ALS2: variants seen among roughly 807,000 people sequenced by gnomAD.
The protein encoded by ALS2 is alsin Rho guanine nucleotide exchange factor ALS2.
In ALS2, 117 loss-of-function variants were observed where a neutral mutation model predicts 203.4. That is an observed-to-expected ratio of 0.58 (90% confidence interval 0.50 to 0.67). The LOEUF (loss-of-function observed/expected upper bound fraction) is 0.67. ALS2 is among the 30% of genes least tolerant of loss of function. The probability of loss-of-function intolerance (pLI) is 0.00; values close to 1 mark genes in which losing one functional copy is unlikely to be tolerated. For synonymous variants in ALS2, 718 were observed against 725.9 expected, an observed-to-expected ratio of 0.99 and a Z score of 0.17; for missense variants, 1,715 against 1,989.4, an observed-to-expected ratio of 0.86 and a Z score of 2.62.
In ALS2 at chr2:201,727,199, A is replaced by G. The variant is rs1001846413; in HGVS notation, c.2979+13T>C. ...AGGGCGAAGATTGAAGGAAAATACC[A>G]TAATAGACTAACCTTTTCCTGGGGT... On this transcript the variant is annotated intron_variant, in intron 17 of 33. Transcript: ENST00000264276. 1.2e-6 allele frequency: 2 copies of G among 1,605,930 alleles called. No homozygotes were observed. The highest frequency in any genetic ancestry group is 1.7e-6 in the Non-Finnish European group (2 of 1,172,532).
intron 1 of ALS2, among the ~76,000 whole-genome samples, chr2:201,774,847 G>A (rs948367511): frequency 6.6e-6 from 1 of 152,058 alleles, no homozygotes; most frequent in African/African-American, 2.4e-5. Flanking sequence ...CAGCAGCTTA[G>A]TCCTGATATA....
At position 201,733,405 on chromosome 2, in the gene ALS2, T is replaced by C; in HGVS notation, c.2451A>G (p.Gln817=). The stretch of plus-strand genomic sequence containing the variant: ...TTTCGTCATTCACTTCTGACAAATC[T>C]TGCAACAGCTCTTGGTTTTTATTTA... ...DFLNKNQELL[Q]DLSEVNDENT... Residue 817 remains glutamine, a synonymous_variant, in exon 13 of 34, where the codon CAA becomes CAG. Transcript: ENST00000264276. The C allele has an allele frequency of 6.2e-7, 1 of 1,613,782 alleles. No individual in the cohort carries two copies. The highest frequency in any genetic ancestry group is 2.2e-5 in the East Asian group (1 of 44,814).
At chr2:201,724,188 CT>C in intron 21 of ALS2, 106 bp downstream of exon 21, 1 of 1,189,028 alleles carries the variant, frequency 8.4e-7, no homozygotes, top group Non-Finnish European at 1.2e-6. Flanking sequence ...TCAAAGAAAT[CT>C]TACTAATCTC....
At chr2:201,756,038 C>A (rs2106077126) in intron 5 of ALS2, among the ~76,000 whole-genome samples, 1 of 152,098 alleles carries the variant, frequency 6.6e-6, no homozygotes, top group Admixed American at 6.5e-5. Context: ...CCAGATAATT[C>A]TTAGAGAGGG....
chr2:201,776,179 T>G (rs1361916087), intron 1 of ALS2, among the ~76,000 whole-genome samples: 2 of 152,236 alleles, frequency 1.3e-5, no homozygotes, highest in Non-Finnish European at 2.9e-5. Context: ...CATGTCACTT[T>G]AAAAATGGTT....
chr2:201,756,366 A>G (rs975976682), intron 5 of ALS2, among the ~76,000 whole-genome samples: 6 of 151,914 alleles, frequency 3.9e-5, no homozygotes, highest in Non-Finnish European at 8.8e-5. Context: ...TGTAGAGGAA[A>G]ATCTGGTGGT....
Position 201,741,666 on chromosome 2 carries a change from A to G in ALS2, c.2351+8T>C. ...GAGATTGAACATGACACGGGACTGG[A>G]TACTTGCTCTGTATAACTATCCAAG... On this transcript the variant is annotated splice_region_variant and intron_variant, in intron 11 of 33. Transcript: ENST00000264276. 1 of 1,613,814 alleles carries G rather than the reference A, an allele frequency of 6.2e-7. No homozygotes were observed. Among genetic ancestry groups the G allele is most frequent in the Admixed American group, 1.7e-5 (1 of 60,010 alleles).
At chr2:201,768,055 T>C (rs1391057521) in intron 2 of ALS2, among the ~76,000 whole-genome samples, 1 of 152,184 alleles carries the variant, frequency 6.6e-6, no homozygotes, top group East Asian at 1.9e-4. Context: ...ATGCCCAAGT[T>C]GAAGTCTTAT....
intron 3 of ALS2, chr2:201,763,391 C>A: frequency 4.7e-6 from 1 of 213,500 alleles, no homozygotes; most frequent in Non-Finnish European, 9.5e-6. Context: ...CACTGCCACC[C>A]TGGCCAACTT....
chr2:201,776,947 G>A (rs1414564735), intron 1 of ALS2, among the ~76,000 whole-genome samples: 1 of 152,154 alleles, frequency 6.6e-6, no homozygotes. Flanking sequence ...TTAACACATT[G>A]TCATCAGGTT....
rs189426668 is a variant in ALS2 at position 201,744,666 on chromosome 2, T to C, written c.1999-237A>G. On this transcript the variant is annotated intron_variant, in intron 9 of 33. Coordinates refer to ENST00000264276, the MANE Select transcript of ALS2 (RefSeq NM_020919.4). ...CGGGGTCGCTTTTTTTTAGAGCTGGTTCATCAGTACATCATTGTTATATAT... is the reference window on the plus strand; with the variant it reads ...CGGGGTCGCTTTTTTTTAGAGCTGGCTCATCAGTACATCATTGTTATATAT... Among the ~76,000 whole-genome samples the C allele has an allele frequency of 2.0e-3, 305 of 151,236 alleles. 1 individual carries two copies. Among genetic ancestry groups the C allele is most frequent in the African/African-American group, 7.2e-3 (297 of 41,340 alleles).
At chr2:201,720,963 A>AC (rs1690756039) in intron 23 of ALS2, among the ~76,000 whole-genome samples, 1 of 152,096 alleles carries the variant, frequency 6.6e-6, no homozygotes, top group Admixed American at 6.6e-5. Flanking sequence ...CACAAAAAAA[A>AC]CCACTAAAAC....
chr2:201,707,108 A>C, intron 28 of ALS2, 86 bp from the exon 29 acceptor site: 1 of 1,287,142 alleles, frequency 7.8e-7, no homozygotes, highest in East Asian at 2.5e-5. Flanking sequence ...AGTTTCAAAA[A>C]GTCAAAAGTA....
chr2:201,746,563 C>A lies in ALS2; in HGVS notation c.1998+3G>T, dbSNP rs1306401732. The stretch of plus-strand genomic sequence containing the variant: ...TGGGCCTTAGGATCCAATTCCTGTT[C>A]ACCTTACTACAGGAGAGAAGTACTG... On this transcript the variant is annotated splice_donor_region_variant and intron_variant, in intron 9 of 33. Transcript: ENST00000264276. 1 of 1,614,104 alleles carries A rather than the reference C, an allele frequency of 6.2e-7. No individual in the cohort carries two copies.
chr2:201,748,516 T>G (rs1692818892), intron 8 of ALS2, among the ~76,000 whole-genome samples: 1 of 152,196 alleles, frequency 6.6e-6, no homozygotes, highest in Non-Finnish European at 1.5e-5. Flanking sequence ...TAACAAACTA[T>G]TCTCTTGTTT....
intron 1 of ALS2, among the ~76,000 whole-genome samples, chr2:201,775,928 G>A (rs1015268201): frequency 2.0e-5 from 3 of 152,146 alleles, no homozygotes; most frequent in Non-Finnish European, 4.4e-5. Flanking sequence ...CTTATTCACC[G>A]GTATACTCTT....
In ALS2 at chr2:201,757,420, G is replaced by C; in HGVS notation, c.1453C>G (p.Pro485Ala). The C allele has an allele frequency of 1.9e-6, 3 of 1,613,668 alleles. No homozygotes were observed. The change falls in exon 5 of 34, where the codon CCT (proline) becomes GCT (alanine). Residue 485 changes from proline to alanine, a missense_variant. By Grantham distance (27) the Pro-to-Ala change is conservative. Transcript: ENST00000264276. ...TCCTTACCTTGTGACAACAATCCAG[G>C]GAGGGAGAGTCTTCGACTGCCTCCC... ...TEGGSRRLSL[P>A]GLLSQVSPRL...
chr2:201,723,563 G>T, intron 21 of ALS2, 122 bp from the exon 22 acceptor site: 1 of 794,196 alleles, frequency 1.3e-6, no homozygotes. Context: ...CATTTTTCTA[G>T]TTAAAATAGT....
chr2:201,733,804 T>C lies in ALS2; in HGVS notation c.2418-366A>G, dbSNP rs141281119. 6.6e-3 allele frequency among the ~76,000 whole-genome samples: 1,000 copies of C among 152,318 alleles called. 9 individuals carry two copies. The highest frequency in any genetic ancestry group is 0.024 in the African/African-American group (978 of 41,558). On this transcript the variant is annotated intron_variant, in intron 12 of 33. Coordinates refer to ENST00000264276, the MANE Select transcript of ALS2 (RefSeq NM_020919.4). ...AGCAATAAATGGCAAGACTAATTGT[T>C]CTAGGCAGCTGTGCTAAATAGAAAC... is the stretch of plus-strand genomic sequence containing the variant.
Sources: allele counts gnomAD v4.1 joint callset (sites outside exome capture counted in the v4.1 genomes callset), GRCh38; gene constraint gnomAD v4.1.1; transcripts MANE v1.5; gene names NCBI Gene and HGNC (gene_info 2026-07-23, HGNC 2026-07-21).